The following KCNMA1 variants were observed in gnomAD, a reference collection of about 807,000 sequenced individuals.
The protein encoded by KCNMA1 is Calcium-activated potassium channel subunit alpha-1.
In KCNMA1, 29 loss-of-function variants were observed where a neutral mutation model predicts 140.0. That is an observed-to-expected ratio of 0.21 (90% CI 0.15 to 0.28). The LOEUF is 0.28. Ranked by LOEUF, KCNMA1 falls within the 10% of genes least tolerant of loss-of-function variation. The pLI is 1.00. For synonymous variants in KCNMA1, 612 were observed against 611.9 expected (o/e 1.00, Z 0.00); for missense variants, 880 against 1,602.2 (o/e 0.55, Z 7.70).
chr10:77,423,941 T>A (rs1028324268), intron 1 of KCNMA1, among the ~76,000 whole-genome samples: 1 of 152,208 alleles, frequency 6.6e-6, no homozygotes, highest in Non-Finnish European at 1.5e-5. Context: ...AACAATATGT[T>A]AGCCTTTGGC....
intron 2 of KCNMA1, among the ~76,000 whole-genome samples, chr10:77,328,818 C>A (rs1012087144): frequency 2.0e-5 from 3 of 151,958 alleles, no homozygotes. Context: ...AAATATATAT[C>A]TATATTTTTT....
chr10:77,370,914 A>T (rs1201314638), intron 2 of KCNMA1, among the ~76,000 whole-genome samples: 1 of 152,122 alleles, frequency 6.6e-6, no homozygotes, highest in Non-Finnish European at 1.5e-5. Flanking sequence ...TACCTGATAC[A>T]CAGTGGGGCA....
intron 25 of KCNMA1, among the ~76,000 whole-genome samples, chr10:76,897,485 G>A (rs891884505): frequency 1.3e-5 from 2 of 152,004 alleles, no homozygotes; most frequent in Admixed American, 6.6e-5. Flanking sequence ...GGACACATTT[G>A]TTCCAAAAAT....
chr10:77,549,751 G>C (rs1288828433), intron 1 of KCNMA1, among the ~76,000 whole-genome samples: 1 of 152,204 alleles, frequency 6.6e-6, no homozygotes, highest in Non-Finnish European at 1.5e-5. Context: ...TAGACAATTA[G>C]CGAAAGGTTA....
chr10:76,886,815 T>C lies in KCNMA1; in HGVS notation c.*451A>G. 9.3e-7 allele frequency: 1 copy of C among 1,078,486 alleles called. No homozygotes were observed. Among genetic ancestry groups the C allele is most frequent in the Non-Finnish European group, 1.1e-6 (1 of 886,054 alleles). 66.8% of individuals were successfully genotyped at this position (1,078,486 alleles called of 1,614,324 possible). On this transcript the variant is annotated 3_prime_UTR_variant, in exon 28 of 28. Coordinates refer to ENST00000286628, the MANE Select transcript of KCNMA1 (RefSeq NM_001161352.2). ...CAAATAAACATGTGCTAACTTATTG[T>C]GTGTATAAAAAAAGAAAGAAAGGAA...
At chr10:77,194,593 T>C (rs558691979) in intron 3 of KCNMA1, among the ~76,000 whole-genome samples, 1 of 152,252 alleles carries the variant, frequency 6.6e-6, no homozygotes, top group South Asian at 2.1e-4. Flanking sequence ...TGTTCTGAGT[T>C]CCGGACTGAC....
chr10:76,941,272 C>G (rs914276560), intron 23 of KCNMA1, among the ~76,000 whole-genome samples: 5 of 152,112 alleles, frequency 3.3e-5, no homozygotes, highest in Non-Finnish European at 5.9e-5. Flanking sequence ...AATCCCTATT[C>G]CCTTGGAGCT....
At chr10:77,380,852 C>T (rs561623306) in intron 2 of KCNMA1, among the ~76,000 whole-genome samples, 3 of 152,310 alleles carry the variant, frequency 2.0e-5, no homozygotes, top group East Asian at 3.9e-4. Flanking sequence ...CTGCTGTTTA[C>T]TTCATGCACC....
At chr10:76,934,505 C>T (rs1340114914) in intron 23 of KCNMA1, among the ~76,000 whole-genome samples, 3 of 152,210 alleles carry the variant, frequency 2.0e-5, no homozygotes, top group Non-Finnish European at 4.4e-5. Flanking sequence ...AAGGAATACA[C>T]TGAAATGTTC....
intron 1 of KCNMA1, among the ~76,000 whole-genome samples, chr10:77,407,437 T>C (rs992803559): frequency 6.6e-6 from 1 of 152,230 alleles, no homozygotes; most frequent in Non-Finnish European, 1.5e-5. Flanking sequence ...TTGGCCACCA[T>C]TGAACAAGCC....
chr10:77,604,958 C>T (rs1214126906), intron 1 of KCNMA1, among the ~76,000 whole-genome samples: 1 of 151,552 alleles, frequency 6.6e-6, no homozygotes, highest in Non-Finnish European at 1.5e-5. Flanking sequence ...GACTCTGGAA[C>T]ATTTCAAAGG....
intron 3 of KCNMA1, among the ~76,000 whole-genome samples, chr10:77,205,920 T>G (rs975511102): frequency 6.6e-6 from 1 of 152,222 alleles, no homozygotes; most frequent in Non-Finnish European, 1.5e-5. Flanking sequence ...TTTGTAACTA[T>G]ATGAGCTAAT....
chr10:77,138,026 T>G (rs558958646), intron 5 of KCNMA1, among the ~76,000 whole-genome samples: 7 of 152,154 alleles, frequency 4.6e-5, no homozygotes, highest in Non-Finnish European at 8.8e-5. Context: ...TGATAGATGC[T>G]CAACATCAGT....
At chr10:77,256,874 C>T (rs1408105886) in intron 2 of KCNMA1, among the ~76,000 whole-genome samples, 1 of 152,034 alleles carries the variant, frequency 6.6e-6, no homozygotes, top group African/African-American at 2.4e-5. Flanking sequence ...GAGGCCAAGG[C>T]AGGAAGATTG....
chr10:77,390,189 C>A lies in KCNMA1; in HGVS notation c.540+13673G>T, dbSNP rs151140745. On this transcript the variant is annotated intron_variant, in intron 2 of 27. Coordinates refer to ENST00000286628, the MANE Select transcript of KCNMA1 (RefSeq NM_001161352.2). ...CCCTCTATTTATGGAGATGCTGAGG[C>A]CTTGGAGAGGGAATTGACTTGTCCA... Among the ~76,000 whole-genome samples the A allele has an allele frequency of 3.8e-3, 575 of 152,292 alleles. 8 individuals carry two copies. The highest frequency in any genetic ancestry group is 0.027 in the Middle Eastern group (8 of 294).
intron 2 of KCNMA1, among the ~76,000 whole-genome samples, chr10:77,349,785 A>G (rs919388869): frequency 6.6e-6 from 1 of 152,194 alleles, no homozygotes; most frequent in Non-Finnish European, 1.5e-5. Flanking sequence ...AGCCACTCAA[A>G]CTTTCCAGGC....
chr10:77,523,766 T>C (rs1014815034), intron 1 of KCNMA1, among the ~76,000 whole-genome samples: 47 of 152,010 alleles, frequency 3.1e-4, no homozygotes, highest in African/African-American at 1.0e-3. Flanking sequence ...AAAAATCAAA[T>C]TAGAGTAGAA....
At chr10:77,131,725 G>A (rs2097861260) in intron 5 of KCNMA1, among the ~76,000 whole-genome samples, 1 of 152,090 alleles carries the variant, frequency 6.6e-6, no homozygotes, top group African/African-American at 2.4e-5. Context: ...AGCACTTTGG[G>A]AGGCTGAGGC....
intron 2 of KCNMA1, among the ~76,000 whole-genome samples, chr10:77,398,730 C>A (rs1006432154): frequency 6.6e-6 from 1 of 152,236 alleles, no homozygotes; most frequent in African/African-American, 2.4e-5. Context: ...GTGGAGCCCA[C>A]ATGGTCTGCA....
Sources: allele counts gnomAD v4.1 joint callset (sites outside exome capture counted in the v4.1 genomes callset), GRCh38; gene constraint gnomAD v4.1.1; transcripts MANE v1.5; gene names NCBI Gene and HGNC (gene_info 2026-07-23, HGNC 2026-07-21).